Variants in SHC2 observed in about 807,000 individuals in gnomAD.
The protein encoded by SHC2 is SHC-transforming protein 2.
A neutral mutation model predicts 60.6 loss-of-function variants in SHC2; 62 were observed. The observed-to-expected ratio is 1.02, with a 90% CI of 0.83 to 1.26. SHC2 has a LOEUF of 1.26. Ranked by LOEUF, SHC2 falls within the 50% of genes most tolerant of loss-of-function variation. The pLI, the probability that SHC2 is intolerant of heterozygous loss-of-function variation, is 0.00. For synonymous variants in SHC2, 375 were observed against 372.4 expected (o/e 1.01, Z -0.08); for missense variants, 873 against 822.2 (o/e 1.06, Z -0.76).
At chr19:444,117 T>C (rs1222288995) in intron 1 of SHC2, among the ~76,000 whole-genome samples, 2 of 151,468 alleles carry the variant, frequency 1.3e-5, no homozygotes, top group Admixed American at 6.6e-5. Context: ...GATGGTTGGA[T>C]GGGTGGACAG....
intron 4 of SHC2, 69 bp from the exon 5 acceptor site, chr19:436,752 C>T: frequency 7.0e-7 from 1 of 1,434,908 alleles, no homozygotes; most frequent in African/African-American, 1.4e-5. Flanking sequence ...GGCAGATGGA[C>T]CAGGACCACA....
intron 4 of SHC2, among the ~76,000 whole-genome samples, chr19:437,075 C>G (rs1321131914): frequency 3.3e-5 from 5 of 152,134 alleles, no homozygotes; most frequent in Non-Finnish European, 7.4e-5. Context: ...AGGGACGGCC[C>G]CACACTCCTG....
chr19:418,534 G>A (rs1298067745), intron 12 of SHC2, among the ~76,000 whole-genome samples: 3 of 152,250 alleles, frequency 2.0e-5, no homozygotes, highest in Admixed American at 1.3e-4. Context: ...GAGAACAGGA[G>A]CCAGGCTCTG....
At chr19:458,091 A>T (rs1213573398) in intron 1 of SHC2, among the ~76,000 whole-genome samples, 1 of 131,082 alleles carries the variant, frequency 7.6e-6, no homozygotes, top group Non-Finnish European at 1.7e-5. Context: ...GGGGAGGCGG[A>T]AGTGGGTCCC....
At position 436,705 on chromosome 19, in the gene SHC2, G is replaced by A. The variant is rs769922352; in HGVS notation, c.721-22C>T. 117 of 1,598,202 alleles carry A rather than the reference G, an allele frequency of 7.3e-5. No homozygotes were observed. In the East Asian group the frequency reaches 1.6e-3, roughly 22 times the overall value. On this transcript the variant is annotated intron_variant, in intron 4 of 12. Transcript: ENST00000264554. ...TGACCTGTGGCGGCAGGAGGCACAC[G>A]CGGTCATGGGGGCCCCGCTTCGAGG...
At chr19:444,049 A>G (rs866281895) in intron 1 of SHC2, among the ~76,000 whole-genome samples, 1,721 of 133,526 alleles carry the variant, frequency 0.013, 28 homozygotes, top group South Asian at 0.095. Flanking sequence ...GGATGGACGG[A>G]TGGATGGATG....
intron 1 of SHC2, among the ~76,000 whole-genome samples, chr19:452,881 T>A (rs1262831895): frequency 6.6e-6 from 1 of 152,130 alleles, no homozygotes. Flanking sequence ...TGCAACAGGT[T>A]CCCAGATGCC....
chr19:427,102 G>A (rs1207495745), intron 9 of SHC2, among the ~76,000 whole-genome samples: 1 of 152,230 alleles, frequency 6.6e-6, no homozygotes, highest in Non-Finnish European at 1.5e-5. Flanking sequence ...GCTGGGCACC[G>A]GGTGGGCACT....
intron 1 of SHC2, among the ~76,000 whole-genome samples, chr19:455,977 G>T (rs949396417): frequency 2.0e-5 from 3 of 152,164 alleles, no homozygotes; most frequent in Admixed American, 2.0e-4. Flanking sequence ...ACACGGGGCC[G>T]TTGCTGTGCC....
At position 422,495 on chromosome 19, in the gene SHC2, C is replaced by A; in HGVS notation, c.1310-39G>T. 1.4e-6 allele frequency: 2 copies of A among 1,446,346 alleles called. No individual in the cohort carries two copies. The highest frequency in any genetic ancestry group is 1.8e-6 in the Non-Finnish European group (2 of 1,086,162). 89.6% of individuals were successfully genotyped at this position (1,446,346 alleles called of 1,614,324 possible). On this transcript the variant is annotated intron_variant, in intron 10 of 12. Coordinates refer to ENST00000264554, the MANE Select transcript of SHC2 (RefSeq NM_012435.3). This position sits in a 1 kb window ranked among gnomAD's most constrained non-coding sequence, Gnocchi z 5.0. ...ACAGGAGTGCTGGGCAGGCAGGGGG[C>A]AAGCAGCTACTCCTGCCGGGACCAG...
chr19:431,448 CATCGTGAGTGAG>C (rs1420091663), intron 8 of SHC2, among the ~76,000 whole-genome samples: 1 of 72,308 alleles, frequency 1.4e-5, no homozygotes, highest in African/African-American at 8.8e-5. Context: ...GATGGCGCTT[CATCGTGAGTGAG>C]ATCGTGAGTG....
chr19:436,622 G>C lies in SHC2; in HGVS notation c.774+8C>G. On this transcript the variant is annotated splice_region_variant and intron_variant, in intron 5 of 12. Transcript: ENST00000264554. ...GGGCTGCAGGTCCACCCCCATCCCT[G>C]GCCTCACCGTGTCTCCGCCTGACGC... is the stretch of plus-strand genomic sequence containing the variant. 1 of 1,603,774 alleles carries C rather than the reference G, an allele frequency of 6.2e-7. No individual in the cohort carries two copies. The highest frequency in any genetic ancestry group is 8.5e-7 in the Non-Finnish European group (1 of 1,177,634).
chr19:461,023 C>G lies in SHC2; in HGVS notation c.-27G>C. ...GCCGCGGCCGCCCGACGGAGCCCGA[C>G]CGGGCGCTGCGCCTGGCGCGGAGGA... is the stretch of plus-strand genomic sequence containing the variant. On this transcript the variant is annotated 5_prime_UTR_variant, in exon 1 of 13. Coordinates refer to ENST00000264554, the MANE Select transcript of SHC2 (RefSeq NM_012435.3). The G allele has an allele frequency of 1.2e-6, 1 of 810,282 alleles. No homozygotes were observed. Among genetic ancestry groups the G allele is most frequent in the South Asian group, 5.4e-5 (1 of 18,646 alleles). 50.2% of individuals were successfully genotyped at this position (810,282 alleles called of 1,614,324 possible).
rs2075020 is a variant in SHC2 at position 441,243 on chromosome 19, A to G, written c.469-311T>C. On this transcript the variant is annotated intron_variant, in intron 1 of 12. Coordinates refer to ENST00000264554, the MANE Select transcript of SHC2 (RefSeq NM_012435.3). The surrounding 1 kb of genome is among the most constrained non-coding windows in gnomAD (Gnocchi z 4.9). The stretch of plus-strand genomic sequence containing the variant: ...GCCCTCGTCGGTCTCTTTCTGTTCC[A>G]CCAGCACCGAAGCCGAGGAGCGTGG... The G allele has an allele frequency of 0.024, 20,360 of 858,300 alleles. 1,107 individuals carry two copies. Among genetic ancestry groups the G allele is most frequent in the East Asian group, 0.19 (1,460 of 7,628 alleles). The allele number at this position is 858,300 out of a possible 1,614,324, so 53.2% of individuals were successfully genotyped here. A position where few individuals can be genotyped will look rare whatever the true frequency, so the allele number is the denominator to read the frequency against.
chr19:425,129 TC>T lies in SHC2; in HGVS notation c.1276del (p.Glu426ArgfsTer18). Reference sequence around the variant, plus strand: ...AAACAGATCCTTTTTGGGGCTGTCCTCCGGCTCGGGGGCGTCCAGACCCTGG... The same window carrying T: ...AAACAGATCCTTTTTGGGGCTGTCCTCGGCTCGGGGGCGTCCAGACCCTGG... ...NTQGLDAPEP[E>X]DSPKKDLFDM... On this transcript the variant is annotated frameshift_variant, in exon 10 of 13. Transcript: ENST00000264554. LOFTEE classifies it high-confidence loss of function. The surrounding 1 kb of genome is among the most constrained non-coding windows in gnomAD (Gnocchi z 4.1). 7.1e-7 allele frequency: 1 copy of T among 1,402,550 alleles called. No individual in the cohort carries two copies. 86.9% of individuals were successfully genotyped at this position (1,402,550 alleles called of 1,614,324 possible).
intron 9 of SHC2, among the ~76,000 whole-genome samples, chr19:429,201 T>G (rs371268635): frequency 9.0e-6 from 1 of 110,530 alleles, no homozygotes; most frequent in African/African-American, 3.5e-5. Context: ...AGTACCTATA[T>G]CCAACATGCA....
intron 1 of SHC2, among the ~76,000 whole-genome samples, chr19:442,023 G>A (rs996393595): frequency 2.0e-5 from 3 of 152,244 alleles, no homozygotes; most frequent in Non-Finnish European, 4.4e-5. Flanking sequence ...AGACAGATGT[G>A]AGAATGCAGG....
chr19:443,782 ATGGATGGATGGGTGGGTGGATGAATAGG>A lies in SHC2; in HGVS notation c.469-2878_469-2851del, dbSNP rs1335338085. Among the ~76,000 whole-genome samples the A allele has an allele frequency of 1.8e-3, 223 of 127,212 alleles. 2 individuals are homozygous for A. The East Asian group carries it at 0.031, about 18-fold the overall frequency. 83.5% of individuals were successfully genotyped at this position (127,212 alleles called of 152,430 possible). On this transcript the variant is annotated intron_variant, in intron 1 of 12. Transcript: ENST00000264554. ...GATGGGTGGACAGATGGGTGGATGG[ATGGATGGATGGGTGGGTGGATGAATAGG>A]TGGATGGATGGGTGGGTGGATGAGT...
At chr19:419,337 C>G (rs1159114768) in intron 11 of SHC2, 1 of 396,178 alleles carries the variant, frequency 2.5e-6, no homozygotes, top group East Asian at 3.9e-5. Context: ...GCCCTCAGAG[C>G]CTGTGAACGT....
Sources: gnomAD v4.1 joint callset for allele counts (sites outside exome capture counted in the v4.1 genomes callset) on GRCh38, gnomAD v4.1.1 for gene constraint, Gnocchi (gnomAD v3.1) non-coding constraint, MANE v1.5 for transcripts, NCBI Gene and HGNC (gene_info 2026-07-23, HGNC 2026-07-21) for gene names.